Variants in FLVCR2 observed in about 807,000 individuals in gnomAD.
FLVCR2 encodes FLVCR choline and putative heme transporter 2.
Under a neutral mutation model 48.9 loss-of-function variants are expected in FLVCR2, and 38 were observed. The ratio of observed to expected loss-of-function variants is 0.78; its 90% CI spans 0.60 to 1.02. The LOEUF (loss-of-function observed/expected upper bound fraction) is 1.02, where lower values mean the gene tolerates loss of function less well. FLVCR2 is among the 50% of genes least tolerant of loss of function. The pLI is 0.00. For synonymous variants in FLVCR2, 255 were observed against 257.0 expected (o/e 0.99, Z 0.07); for missense variants, 664 against 663.3 (o/e 1.00, Z -0.01).
intron 1 of FLVCR2, among the ~76,000 whole-genome samples, chr14:75,604,602 G>T (rs966006730): frequency 1.3e-5 from 2 of 152,018 alleles, no homozygotes; most frequent in Non-Finnish European, 2.9e-5. Context: ...GATGTTTTCA[G>T]TACCATCATC....
intron 1 of FLVCR2, among the ~76,000 whole-genome samples, chr14:75,616,304 C>T (rs919966105): frequency 2.7e-5 from 4 of 149,674 alleles, no homozygotes; most frequent in Non-Finnish European, 3.0e-5. Flanking sequence ...TCCAGCCTGG[C>T]GACAGAGTGA....
Position 75,633,716 on chromosome 14 carries a change from A to G in FLVCR2, c.1020+20A>G. On this transcript the variant is annotated intron_variant, in intron 4 of 9. Coordinates refer to ENST00000238667, the MANE Select transcript of FLVCR2 (RefSeq NM_017791.3). ...TACCCGGTAAGGGAGTTCCCTAAGC[A>G]TGTTGGGCCTCAAGATGATATAGTT... The G allele has an allele frequency of 6.3e-7, 1 of 1,586,618 alleles. No individual in the cohort carries two copies. Among genetic ancestry groups the G allele is most frequent in the East Asian group, 2.2e-5 (1 of 44,738 alleles).
chr14:75,644,479 T>C (rs905301496), intron 9 of FLVCR2, among the ~76,000 whole-genome samples: 1 of 152,234 alleles, frequency 6.6e-6, no homozygotes, highest in African/African-American at 2.4e-5. Flanking sequence ...AAGGTTACAA[T>C]TGTTGGCTCA....
chr14:75,626,978 G>T (rs1201653489), intron 3 of FLVCR2, among the ~76,000 whole-genome samples: 1 of 151,944 alleles, frequency 6.6e-6, no homozygotes, highest in Admixed American at 6.5e-5. Flanking sequence ...CCATTCCAAA[G>T]GCTGTGGTCC....
chr14:75,591,071 T>G (rs1018016569), intron 1 of FLVCR2, among the ~76,000 whole-genome samples: 1 of 152,116 alleles, frequency 6.6e-6, no homozygotes, highest in Non-Finnish European at 1.5e-5. Flanking sequence ...AAACATAGGG[T>G]CTTGCTCTTT....
At chr14:75,595,712 GTTTGTT>G in intron 1 of FLVCR2, 1 of 606,960 alleles carries the variant, frequency 1.6e-6, no homozygotes, top group Non-Finnish European at 2.9e-6. Flanking sequence ...CTTTTTGTTT[GTTTGTT>G]TTTGTGTTTT....
intron 1 of FLVCR2, among the ~76,000 whole-genome samples, chr14:75,592,443 T>C (rs1003351703): frequency 3.9e-5 from 6 of 152,160 alleles, no homozygotes; most frequent in Non-Finnish European, 8.8e-5. Flanking sequence ...TTTCAGGGCC[T>C]TTTTTCCATT....
chr14:75,613,555 CT>C (rs1308651807), intron 1 of FLVCR2, among the ~76,000 whole-genome samples: 2 of 151,920 alleles, frequency 1.3e-5, no homozygotes, highest in Non-Finnish European at 2.9e-5. Flanking sequence ...TTTTCTTTTT[CT>C]TTTTTCTTTT....
At chr14:75,616,026 CAAAAAAA>C (rs10629813) in intron 1 of FLVCR2, among the ~76,000 whole-genome samples, 21 of 25,632 alleles carry the variant, frequency 8.2e-4, no homozygotes, top group Admixed American at 2.5e-3. Context: ...GACTCCATCT[CAAAAAAA>C]AAAAAAAAAA....
chr14:75,597,531 G>A (rs183883636), intron 1 of FLVCR2, among the ~76,000 whole-genome samples: 1 of 151,970 alleles, frequency 6.6e-6, no homozygotes, highest in African/African-American at 2.4e-5. Flanking sequence ...CACACAGACT[G>A]TCTTAACCAA....
At chr14:75,585,215 G>A (rs79386992) in intron 1 of FLVCR2, among the ~76,000 whole-genome samples, 371 of 152,268 alleles carry the variant, frequency 2.4e-3, no homozygotes, top group Non-Finnish European at 4.5e-3. Context: ...GGGATGAGTC[G>A]CATGGGAGCA....
At chr14:75,595,850 C>T (rs1183365848) in intron 1 of FLVCR2, 2 of 967,854 alleles carry the variant, frequency 2.1e-6, no homozygotes, top group African/African-American at 1.6e-5. Context: ...CCTTTGCAGT[C>T]CCCCTGACTT....
intron 1 of FLVCR2, among the ~76,000 whole-genome samples, chr14:75,584,015 G>A (rs1888675381): frequency 6.6e-6 from 1 of 152,224 alleles, no homozygotes; most frequent in Admixed American, 6.5e-5. Flanking sequence ...GGGGCTTTAG[G>A]AGTGGCCGCG....
At chr14:75,637,728 CAAAA>C (rs59847223) in intron 5 of FLVCR2, among the ~76,000 whole-genome samples, 8 of 84,054 alleles carry the variant, frequency 9.5e-5, no homozygotes, top group Non-Finnish European at 1.4e-4. Context: ...GACTCCATCT[CAAAA>C]AAAAAAAAAA....
rs201655143 is a variant in FLVCR2, at chr14:75,624,681, A to G, written c.881A>G (p.Asp294Gly). ...QSLSYALTSPDASYLGSIARL... is the reference protein window; with the variant it reads ...QSLSYALTSPGASYLGSIARL... ...CTGAGCTATGCCTTGACCTCTCCTG[A>G]TGCCTCATACTTAGGTTCCATCGCC... Residue 294 changes from aspartate to glycine, a missense_variant, in exon 3 of 10, where the codon GAT becomes GGT. By Grantham distance (94) the Asp-to-Gly change is moderately conservative (BLOSUM62 -1). Transcript: ENST00000238667. 2.1e-5 allele frequency: 34 copies of G among 1,613,958 alleles called. No individual in the cohort carries two copies. The highest frequency in any genetic ancestry group is 2.7e-5 in the Non-Finnish European group (32 of 1,180,010).
chr14:75,635,002 C>T lies in FLVCR2; in HGVS notation c.1113C>T (p.Ser371=). The T allele has an allele frequency of 7.5e-6, 12 of 1,607,102 alleles. No individual in the cohort carries two copies. The highest frequency in any genetic ancestry group is 1.0e-5 in the Non-Finnish European group (12 of 1,173,614). ...AVISGIWLDR[S]KTYKETTLVV... The stretch of plus-strand genomic sequence containing the variant: ...TCTCAGGAATCTGGCTGGATAGGTC[C>T]AAAACCTACAAGTAAGTGACTCATC... Residue 371 remains serine (S), a synonymous_variant, in exon 5 of 10, where the codon TCC becomes TCT. Coordinates refer to ENST00000238667, the MANE Select transcript of FLVCR2 (RefSeq NM_017791.3).
chr14:75,623,832 C>T (rs988765314), intron 2 of FLVCR2, among the ~76,000 whole-genome samples: 22 of 152,036 alleles, frequency 1.4e-4, no homozygotes, highest in Non-Finnish European at 2.6e-4. Flanking sequence ...GGGTGGATCA[C>T]TTGAGGTCAG....
rs868407513 is a variant in FLVCR2 at position 75,579,130 on chromosome 14, C to T, written c.158C>T (p.Ala53Val). Reference sequence around the variant, plus strand: ...GTCTCTGTCCACCCCAGCAGTTCGGCCCACCCCAGTGCCTTAGCCCAACCC... The same window carrying T: ...GTCTCTGTCCACCCCAGCAGTTCGGTCCACCCCAGTGCCTTAGCCCAACCC... ...PSVSVHPSSSAHPSALAQPSG... is the reference protein window; with the variant it reads ...PSVSVHPSSSVHPSALAQPSG... Residue 53 changes from alanine (A) to valine (V), a missense_variant, in exon 1 of 10, where the codon GCC becomes GTC. Ala to Val is a moderately conservative substitution (Grantham distance 64). Coordinates refer to ENST00000238667, the MANE Select transcript of FLVCR2 (RefSeq NM_017791.3). The T allele has an allele frequency of 6.2e-7, 1 of 1,614,136 alleles. No individual in the cohort carries two copies. Among genetic ancestry groups the T allele is most frequent in the Non-Finnish European group, 8.5e-7 (1 of 1,179,992 alleles).
chr14:75,616,346 A>T (rs911585755), intron 1 of FLVCR2, among the ~76,000 whole-genome samples: 1 of 151,928 alleles, frequency 6.6e-6, no homozygotes, highest in African/African-American at 2.4e-5. Context: ...AATTTTTTTT[A>T]ATTTAAAAAA....
Sources: allele counts gnomAD v4.1 joint callset (sites outside exome capture counted in the v4.1 genomes callset), GRCh38; gene constraint gnomAD v4.1.1; transcripts MANE v1.5; gene names NCBI Gene and HGNC (gene_info 2026-07-23, HGNC 2026-07-21).